ERMAP: variants seen among roughly 807,000 people sequenced by gnomAD.
ERMAP encodes the protein erythroblast membrane associated protein (Scianna blood group).
ERMAP carries 34 observed loss-of-function variants against 49.5 expected under a neutral mutation model. The ratio of observed to expected loss-of-function variants is 0.69; its 90% CI spans 0.52 to 0.91. The LOEUF (loss-of-function observed/expected upper bound fraction) is 0.91. Ranked by LOEUF, ERMAP falls within the 40% of genes least tolerant of loss-of-function variation. The pLI, the probability that ERMAP is intolerant of heterozygous loss-of-function variation, is 0.00. For missense variants in ERMAP, 541 were observed against 582.6 expected, an observed-to-expected ratio of 0.93 and a Z score of 0.74; for synonymous variants, 214 against 232.2, an observed-to-expected ratio of 0.92 and a Z score of 0.71.
intron 4 of ERMAP, among the ~76,000 whole-genome samples, chr1:42,832,472 A>G (rs1218115555): frequency 2.6e-5 from 4 of 151,928 alleles, no homozygotes; most frequent in African/African-American, 9.7e-5. Flanking sequence ...GGTTCAAGTG[A>G]TTCTCCTGCC....
Position 42,817,138 on chromosome 1 carries a change from A to T in ERMAP, c.-237A>T, listed in dbSNP as rs1207981388. ...CCTCCTGCCCTCTTCCCTCTCCTGG[A>T]GGAAAATGGCGGTCGCTGGAGCCGC... On this transcript the variant is annotated 5_prime_UTR_variant, in exon 1 of 12. Coordinates refer to ENST00000372517, the MANE Select transcript of ERMAP (RefSeq NM_001017922.2). 2.6e-6 allele frequency: 3 copies of T among 1,175,260 alleles called. No individual in the cohort carries two copies. Among genetic ancestry groups the T allele is most frequent in the Non-Finnish European group, 3.2e-6 (3 of 927,664 alleles). 72.8% of individuals were successfully genotyped at this position (1,175,260 alleles called of 1,614,324 possible). A position where few individuals can be genotyped will look rare whatever the true frequency, so the allele number is the denominator to read the frequency against.
chr1:42,840,407 T>A, intron 11 of ERMAP, 111 bp downstream of exon 11: 1 of 1,331,554 alleles, frequency 7.5e-7, no homozygotes, highest in Non-Finnish European at 1.1e-6. Flanking sequence ...TAAAAATTTT[T>A]AAATCAAATC....
chr1:42,838,116 T>C (rs182470898), intron 7 of ERMAP, among the ~76,000 whole-genome samples: 5 of 152,344 alleles, frequency 3.3e-5, no homozygotes, highest in Non-Finnish European at 7.3e-5. Context: ...ATAATAATTC[T>C]AGGCATCTCA....
Position 42,843,271 on chromosome 1 carries a change from C to T in ERMAP, c.*39C>T, listed in dbSNP as rs780689823. The T allele has an allele frequency of 7.5e-6, 11 of 1,475,028 alleles. No homozygotes were observed. In the East Asian group the frequency reaches 2.1e-4, roughly 28 times the overall value. 91.4% of individuals were successfully genotyped at this position (1,475,028 alleles called of 1,614,324 possible). ...TACCTGCTCCCATCACCATCCAGCC[C>T]AGCACCCTGGACTTCAGTCGCCTGG... On this transcript the variant is annotated 3_prime_UTR_variant, in exon 12 of 12. Coordinates refer to ENST00000372517, the MANE Select transcript of ERMAP (RefSeq NM_001017922.2).
intron 1 of ERMAP, among the ~76,000 whole-genome samples, chr1:42,818,884 A>G (rs575400543): frequency 6.6e-6 from 1 of 152,350 alleles, no homozygotes; most frequent in East Asian, 1.9e-4. Context: ...AATAAAAGTA[A>G]CCAAGTCAGA....
At chr1:42,818,244 A>G (rs1175108468) in intron 1 of ERMAP, among the ~76,000 whole-genome samples, 2 of 152,220 alleles carry the variant, frequency 1.3e-5, no homozygotes, top group Non-Finnish European at 2.9e-5. Context: ...TCAGTTTAGT[A>G]CTAGGTATCA....
chr1:42,827,204 C>G (rs879200872), intron 2 of ERMAP, among the ~76,000 whole-genome samples: 1 of 152,202 alleles, frequency 6.6e-6, no homozygotes, highest in African/African-American at 2.4e-5. Context: ...GGGTCTTGCT[C>G]TGTCATCCAG....
chr1:42,838,649 G>T (rs537356077), intron 7 of ERMAP, among the ~76,000 whole-genome samples: 22 of 152,286 alleles, frequency 1.4e-4, no homozygotes, highest in Non-Finnish European at 2.6e-4. Flanking sequence ...CAGCAGAAAT[G>T]AAACCAGACA....
At chr1:42,821,467 G>C (rs1455368597) in intron 1 of ERMAP, among the ~76,000 whole-genome samples, 1 of 152,140 alleles carries the variant, frequency 6.6e-6, no homozygotes, top group Non-Finnish European at 1.5e-5. Context: ...GAACATTTCA[G>C]ATAAGAAACT....
At chr1:42,837,110 T>G in intron 6 of ERMAP, 48 bp from the exon 7 acceptor site, 2 of 1,610,236 alleles carry the variant, frequency 1.2e-6, no homozygotes, top group Non-Finnish European at 1.7e-6. Context: ...TCAGGGATCC[T>G]CAAGGCAGTG....
At chr1:42,825,538 C>T (rs991491777) in intron 1 of ERMAP, 85 bp from the exon 2 acceptor site, 39 of 1,209,442 alleles carry the variant, frequency 3.2e-5, no homozygotes, top group African/African-American at 1.4e-4. Context: ...ACAGGGACAG[C>T]GAGAAGGGAG....
Position 42,842,954 on chromosome 1 carries a change from A to C in ERMAP, c.1150A>C (p.Thr384Pro), listed in dbSNP as rs757269669. ...CAACAAGTCCCACATCTTTACTTTC[A>C]CCCACAATTTCTCTGGCCCCCTTCG... ...VTNKSHIFTF[T>P]HNFSGPLRPF... The change falls in exon 12 of 12, where the codon ACC becomes CCC. Residue 384 changes from threonine to proline, a missense_variant. By Grantham distance (38) the Thr-to-Pro change is conservative. Coordinates refer to ENST00000372517, the MANE Select transcript of ERMAP (RefSeq NM_001017922.2). The C allele has an allele frequency of 6.2e-7, 1 of 1,613,952 alleles. No homozygotes were observed. Among genetic ancestry groups the C allele is most frequent in the Non-Finnish European group, 8.5e-7 (1 of 1,180,002 alleles).
At chr1:42,837,799 C>G (rs141109363) in intron 7 of ERMAP, 1 of 152,254 alleles carries the variant, frequency 6.6e-6, no homozygotes, top group Non-Finnish European at 1.5e-5. Flanking sequence ...AGTTGGACAC[C>G]TTGTTGAAGT....
chr1:42,832,226 T>C (rs1654765301), intron 4 of ERMAP, among the ~76,000 whole-genome samples: 2 of 140,336 alleles, frequency 1.4e-5, no homozygotes, highest in Non-Finnish European at 3.1e-5. Flanking sequence ...AGTGTTGCTC[T>C]TGTTGCCCAG....
intron 4 of ERMAP, among the ~76,000 whole-genome samples, chr1:42,832,086 C>T (rs568250464): frequency 4.6e-5 from 7 of 151,892 alleles, no homozygotes; most frequent in South Asian, 2.1e-4. Context: ...TTTGAAGTCA[C>T]ACACCATGAA....
chr1:42,842,693 G>A lies in ERMAP; in HGVS notation c.889G>A (p.Val297Met), dbSNP rs769721118. Residue 297 changes from valine (V) to methionine (M), a missense_variant, in exon 12 of 12, where the codon GTG (valine) becomes ATG (methionine). Transcript: ENST00000372517. The part of the protein sequence containing the change: ...YFTTGCHYWE[V>M]YVGDKTKWIL... Reference sequence around the variant, plus strand: ...CACGACTGGCTGCCACTACTGGGAGGTGTATGTGGGAGACAAGACCAAATG... The same window carrying A: ...CACGACTGGCTGCCACTACTGGGAGATGTATGTGGGAGACAAGACCAAATG... 2.5e-6 allele frequency: 4 copies of A among 1,614,204 alleles called. No individual in the cohort carries two copies. The highest frequency in any genetic ancestry group is 1.7e-5 in the Admixed American group (1 of 60,034).
rs546641772 is a variant in ERMAP, at chr1:42,834,809, C to A, written c.434-229C>A. The A allele has an allele frequency of 9.6e-5, 41 of 425,914 alleles. No homozygotes were observed. In the South Asian group the frequency reaches 1.2e-3, roughly 12 times the overall value. 26.4% of individuals were successfully genotyped at this position (425,914 alleles called of 1,614,324 possible). ...ATCTCAGATGATCCTCCTGCCTCTG[C>A]CTCCCAAAGTGCTGGTATTACAGGC... is the stretch of plus-strand genomic sequence containing the variant. On this transcript the variant is annotated intron_variant, in intron 4 of 11. Transcript: ENST00000372517.
chr1:42,833,555 C>T (rs573436960), intron 4 of ERMAP, among the ~76,000 whole-genome samples: 1 of 152,232 alleles, frequency 6.6e-6, no homozygotes, highest in Admixed American at 6.5e-5. Context: ...AATCAAAGCC[C>T]TGTTTCTGGG....
At chr1:42,838,976 TG>T (rs1274491783) in intron 8 of ERMAP, 55 bp downstream of exon 8, 1 of 1,614,080 alleles carries the variant, frequency 6.2e-7, no homozygotes, top group South Asian at 1.1e-5. Context: ...ACTTTTGCTT[TG>T]GGATGAGCAT....
Sources: allele counts gnomAD v4.1 joint callset (sites outside exome capture counted in the v4.1 genomes callset), GRCh38; gene constraint gnomAD v4.1.1; transcripts MANE v1.5; gene names NCBI Gene and HGNC (gene_info 2026-07-23, HGNC 2026-07-21).